Variants in BICC1 observed in about 807,000 individuals in gnomAD.
BICC1 encodes the protein BicC family RNA binding protein 1.
A neutral mutation model predicts 111.0 loss-of-function variants in BICC1; 43 were observed. The ratio of observed to expected loss-of-function variants is 0.39; its 90% CI spans 0.30 to 0.50. The LOEUF (loss-of-function observed/expected upper bound fraction) is 0.50. BICC1 is among the 20% of genes least tolerant of loss of function. The probability of loss-of-function intolerance (pLI) is 0.88; values close to 1 mark genes in which losing one functional copy is unlikely to be tolerated. For synonymous variants in BICC1, 467 were observed against 434.4 expected, an observed-to-expected ratio of 1.07 and a Z score of -0.93; for missense variants, 1,091 against 1,203.2, an observed-to-expected ratio of 0.91 and a Z score of 1.38.
intron 20 of BICC1, among the ~76,000 whole-genome samples, chr10:58,824,702 C>G (rs557700326): frequency 1.1e-4 from 17 of 152,076 alleles, no homozygotes; most frequent in Non-Finnish European, 1.3e-4. Flanking sequence ...GAGTACCATG[C>G]AAATATAAGG....
chr10:58,823,448 G>T (rs1844308782), intron 20 of BICC1: 1 of 983,972 alleles, frequency 1.0e-6, no homozygotes, highest in Non-Finnish European at 1.2e-6. Flanking sequence ...ATTTATCTCT[G>T]TGCATCACAT....
Position 58,525,470 on chromosome 10 carries a change from C to T in BICC1, c.190+12137C>T, listed in dbSNP as rs182421206. 9.4e-3 allele frequency among the ~76,000 whole-genome samples: 1,223 copies of T among 129,454 alleles called. 42 individuals carry two copies. Among genetic ancestry groups the T allele is most frequent in the African/African-American group, 0.032 (1,154 of 36,544 alleles). The allele number at this position is 129,454 out of a possible 152,430, so 84.9% of individuals were successfully genotyped here. A position where few individuals can be genotyped will look rare whatever the true frequency, so the allele number is the denominator to read the frequency against. ...AGCAAACTATCGCAAGGACAGAAAA[C>T]CAAACACCGCATGTTCTCACTCATA... On this transcript the variant is annotated intron_variant, in intron 1 of 20. Coordinates refer to ENST00000373886, the MANE Select transcript of BICC1 (RefSeq NM_001080512.3).
chr10:58,710,119 T>C (rs1305741206), intron 3 of BICC1, among the ~76,000 whole-genome samples: 1 of 152,172 alleles, frequency 6.6e-6, no homozygotes, highest in African/African-American at 2.4e-5. Flanking sequence ...TATCAGTGAG[T>C]GATACCACCA....
chr10:58,742,818 G>A (rs1841712119), intron 3 of BICC1, among the ~76,000 whole-genome samples: 2 of 152,050 alleles, frequency 1.3e-5, no homozygotes, highest in Non-Finnish European at 1.5e-5. Flanking sequence ...CTTAAATATT[G>A]ATTGATTGAA....
At chr10:58,822,500 G>A (rs1034028117) in intron 20 of BICC1, among the ~76,000 whole-genome samples, 1 of 151,960 alleles carries the variant, frequency 6.6e-6, no homozygotes. Context: ...TTGTCATTCT[G>A]TTGAGGTTAT....
chr10:58,705,797 A>G (rs1284934919), intron 3 of BICC1, among the ~76,000 whole-genome samples: 1 of 152,228 alleles, frequency 6.6e-6, no homozygotes, highest in East Asian at 1.9e-4. Context: ...TTACTGTTAC[A>G]CAGATAGTGA....
At chr10:58,712,285 G>A (rs773552263) in intron 3 of BICC1, among the ~76,000 whole-genome samples, 4 of 152,158 alleles carry the variant, frequency 2.6e-5, no homozygotes, top group Non-Finnish European at 5.9e-5. Flanking sequence ...TTGGAAGATG[G>A]TTTTGCAGTT....
At chr10:58,634,742 A>G (rs1837903873) in intron 2 of BICC1, among the ~76,000 whole-genome samples, 1 of 152,220 alleles carries the variant, frequency 6.6e-6, no homozygotes. Context: ...CAAAAGCTGA[A>G]CTATTGATAG....
In BICC1 at chr10:58,780,227, A is replaced by G. The variant is rs200690548; in HGVS notation, c.308-4774A>G. Among the ~76,000 whole-genome samples the G allele has an allele frequency of 2.0e-5, 3 of 152,250 alleles. No individual in the cohort carries two copies. In the South Asian group the frequency reaches 6.2e-4, roughly 31 times the overall value. On this transcript the variant is annotated intron_variant, in intron 3 of 20. Coordinates refer to ENST00000373886, the MANE Select transcript of BICC1 (RefSeq NM_001080512.3). ...CTGTTTGACAGTTTTGTTTATGTAC[A>G]TAAAATGTACCACAGCCATCCAGAT... is the stretch of plus-strand genomic sequence containing the variant.
At chr10:58,541,038 T>A (rs1391979177) in intron 1 of BICC1, among the ~76,000 whole-genome samples, 1 of 151,870 alleles carries the variant, frequency 6.6e-6, no homozygotes, top group Non-Finnish European at 1.5e-5. Context: ...AAACAAGGAA[T>A]AGAAGGAAAT....
intron 3 of BICC1, among the ~76,000 whole-genome samples, chr10:58,719,021 T>C (rs559772178): frequency 6.6e-6 from 1 of 152,324 alleles, no homozygotes; most frequent in Admixed American, 6.5e-5. Context: ...GGAGGACATA[T>C]AAACTTCAGT....
chr10:58,754,175 G>T (rs2132654792), intron 3 of BICC1, among the ~76,000 whole-genome samples: 1 of 152,254 alleles, frequency 6.6e-6, no homozygotes, highest in East Asian at 1.9e-4. Context: ...GGAGCAAAGT[G>T]TTCATGTACA....
At chr10:58,705,346 G>A (rs943832585) in intron 3 of BICC1, among the ~76,000 whole-genome samples, 1 of 151,504 alleles carries the variant, frequency 6.6e-6, no homozygotes, top group African/African-American at 2.4e-5. Flanking sequence ...TCTGGATAAT[G>A]CCCATCTTGG....
chr10:58,735,779 ACT>A (rs1841447749), intron 3 of BICC1, among the ~76,000 whole-genome samples: 1 of 152,224 alleles, frequency 6.6e-6, no homozygotes, highest in Admixed American at 6.5e-5. Flanking sequence ...AAAGATATTT[ACT>A]AAATTGTAAT....
intron 18 of BICC1, 51 bp downstream of exon 18, chr10:58,814,037 GT>G (rs1427541549): frequency 1.3e-6 from 2 of 1,599,838 alleles, no homozygotes; most frequent in African/African-American, 2.7e-5. Context: ...ATTAGAATGT[GT>G]TTATTTGGGT....
At chr10:58,615,415 T>C (rs1845569585) in intron 1 of BICC1, among the ~76,000 whole-genome samples, 2 of 152,138 alleles carry the variant, frequency 1.3e-5, no homozygotes, top group South Asian at 4.1e-4. Flanking sequence ...GGCTCCCAAC[T>C]CCACTCATTA....
chr10:58,793,691 T>A lies in BICC1; in HGVS notation c.1179+76T>A. Reference sequence around the variant, plus strand: ...ATAGTTTTATTTTGCATAGAAGTATTTATTTGCATATACATGAAACTGTTA... The same window carrying A: ...ATAGTTTTATTTTGCATAGAAGTATATATTTGCATATACATGAAACTGTTA... On this transcript the variant is annotated intron_variant, in intron 9 of 20. Coordinates refer to ENST00000373886, the MANE Select transcript of BICC1 (RefSeq NM_001080512.3). 3 of 1,489,388 alleles carry A rather than the reference T, an allele frequency of 2.0e-6. No individual in the cohort carries two copies. In the Admixed American group the frequency reaches 5.7e-5, roughly 28 times the overall value. The allele number at this position is 1,489,388 out of a possible 1,614,324, so 92.3% of individuals were successfully genotyped here. A position where few individuals can be genotyped will look rare whatever the true frequency, so the allele number is the denominator to read the frequency against.
Position 58,796,422 on chromosome 10 carries a change from G to T in BICC1, c.1262G>T (p.Gly421Val), listed in dbSNP as rs754342484. The change falls in exon 10 of 21, where the codon GGG (glycine) becomes GTG (valine). Residue 421 changes from glycine to valine, a missense_variant. This residue lies in a region of BICC1 where 843 missense variants were observed against 900.8 expected (regional missense o/e 0.94). Coordinates refer to ENST00000373886, the MANE Select transcript of BICC1 (RefSeq NM_001080512.3). Reference protein sequence around the residue: ...RKCLLGLESSGVTIATSPSPA... With the variant: ...RKCLLGLESSVVTIATSPSPA... ...TGTCTCCTCGGACTTGAAAGCAGTG[G>T]GGTTACCATAGCAACCAGTCCATCC... The T allele has an allele frequency of 1.5e-5, 24 of 1,613,900 alleles. No homozygotes were observed. The highest frequency in any genetic ancestry group is 1.9e-5 in the Non-Finnish European group (22 of 1,179,952).
chr10:58,709,548 T>C (rs987790316), intron 3 of BICC1, among the ~76,000 whole-genome samples: 1 of 152,248 alleles, frequency 6.6e-6, no homozygotes, highest in Non-Finnish European at 1.5e-5. Flanking sequence ...AGTTCATAGT[T>C]GGCACTCAGT....
Sources: gnomAD v4.1 joint callset for allele counts (sites outside exome capture counted in the v4.1 genomes callset) on GRCh38, gnomAD v4.1.1 for gene constraint, gnomAD v4.1.1 regional missense constraint, MANE v1.5 for transcripts, NCBI Gene and HGNC (gene_info 2026-07-23, HGNC 2026-07-21) for gene names.